The following SPECC1 variants were observed in gnomAD, a reference collection of about 807,000 sequenced individuals.
SPECC1 encodes the protein sperm antigen with calponin homology and coiled-coil domains 1.
A neutral mutation model predicts 104.1 loss-of-function variants in SPECC1; 62 were observed. The ratio of observed to expected loss-of-function variants is 0.60; its 90% CI spans 0.49 to 0.74. The LOEUF (loss-of-function observed/expected upper bound fraction) is 0.74, where lower values mean the gene tolerates loss of function less well. Among genes scored for constraint, SPECC1 ranks in the 30% least tolerant of loss-of-function variants. SPECC1 has a pLI of 0.00. For synonymous variants in SPECC1, 513 were observed against 501.6 expected, an observed-to-expected ratio of 1.02 and a Z score of -0.30; for missense variants, 1,306 against 1,310.5, an observed-to-expected ratio of 1.00 and a Z score of 0.05.
chr17:20,201,605 G>T (rs2036438846), intron 3 of SPECC1, among the ~76,000 whole-genome samples: 1 of 152,236 alleles, frequency 6.6e-6, no homozygotes, highest in Non-Finnish European at 1.5e-5. Flanking sequence ...GAGTTATGGT[G>T]AAACTTTAGT....
chr17:20,041,603 G>A (rs2045329513), intron 1 of SPECC1, among the ~76,000 whole-genome samples: 1 of 104,450 alleles, frequency 9.6e-6, no homozygotes, highest in Non-Finnish European at 2.1e-5. Flanking sequence ...AAGCACGTTT[G>A]TAGTTGTTTG....
At chr17:20,265,371 C>T (rs181443263) in intron 12 of SPECC1, among the ~76,000 whole-genome samples, 9 of 152,192 alleles carry the variant, frequency 5.9e-5, no homozygotes, top group Admixed American at 1.3e-4. Flanking sequence ...GGATGTTGAG[C>T]GTGTTTTCAT....
chr17:20,263,177 C>T lies in SPECC1; in HGVS notation c.2940+2883C>T, dbSNP rs185361319. Among the ~76,000 whole-genome samples the T allele has an allele frequency of 1.6e-3, 244 of 150,678 alleles. 1 individual carries two copies. Among genetic ancestry groups the T allele is most frequent in the African/African-American group, 5.8e-3 (238 of 41,212 alleles). On this transcript the variant is annotated intron_variant, in intron 12 of 14. Transcript: ENST00000395527. ...ACAGCCTCCCCCAGCCCATCAGCCA[C>T]GCTGCCGAGGACACGGGAAAGAATA... is the stretch of plus-strand genomic sequence containing the variant.
intron 12 of SPECC1, among the ~76,000 whole-genome samples, chr17:20,284,921 T>C (rs944056020): frequency 6.6e-6 from 1 of 152,204 alleles, no homozygotes; most frequent in African/African-American, 2.4e-5. Flanking sequence ...TTTTTTCTTT[T>C]TGACTTTTGC....
chr17:20,292,636 A>C (rs2041210764), intron 12 of SPECC1, among the ~76,000 whole-genome samples: 1 of 152,122 alleles, frequency 6.6e-6, no homozygotes, highest in Non-Finnish European at 1.5e-5. Flanking sequence ...GCATTTCCCC[A>C]TTTCTAAAGC....
chr17:20,164,966 G>T lies in SPECC1; in HGVS notation c.284-39367G>T, dbSNP rs188495234. On this transcript the variant is annotated intron_variant, in intron 3 of 14. Transcript: ENST00000395527. ...CTTTGACTTGATAGAATACTGCCTG[G>T]TTTTTTTATACTTTCTGTCTCTTAA... 1.5e-3 allele frequency among the ~76,000 whole-genome samples: 223 copies of T among 151,896 alleles called. 1 individual carries two copies. Among genetic ancestry groups the T allele is most frequent in the Middle Eastern group, 0.01 (3 of 292 alleles).
chr17:20,112,626 T>A, intron 3 of SPECC1: 2 of 882,128 alleles, frequency 2.3e-6, no homozygotes, highest in Non-Finnish European at 3.9e-6. Flanking sequence ...TCTGGATCAG[T>A]GCTTGACTGT....
chr17:20,061,014 C>T (rs2046166189), intron 1 of SPECC1, among the ~76,000 whole-genome samples: 1 of 152,126 alleles, frequency 6.6e-6, no homozygotes, highest in African/African-American at 2.4e-5. Context: ...TATCAGTGAC[C>T]ATAATACCTT....
rs745814846 is a variant in SPECC1 at position 20,227,576 on chromosome 17, G to A, written c.2027G>A (p.Arg676Gln). 2.0e-5 allele frequency: 33 copies of A among 1,611,138 alleles called. No individual in the cohort carries two copies. The highest frequency in any genetic ancestry group is 6.7e-5 in the African/African-American group (5 of 74,578). The change falls in exon 5 of 15, where the codon CGG becomes CAG. Residue 676 changes from arginine to glutamine, a missense_variant. Physicochemically the swap from Arg to Gln is conservative, Grantham distance 43. Coordinates refer to ENST00000395527, the MANE Select transcript of SPECC1 (RefSeq NM_001243439.2). ...FELEDQVEQH[R>Q]AVKLHNNQLI... The stretch of plus-strand genomic sequence containing the variant: ...TTGGAAGATCAGGTGGAACAGCACC[G>A]GGCTGTCAAGTTACACAATAATCAA...
chr17:20,191,907 T>G (rs992051837), intron 3 of SPECC1, among the ~76,000 whole-genome samples: 6 of 152,094 alleles, frequency 3.9e-5, no homozygotes, highest in African/African-American at 1.4e-4. Context: ...TATTCAGGTG[T>G]TTTTCCATTT....
At chr17:20,286,315 G>T (rs904870182) in intron 12 of SPECC1, among the ~76,000 whole-genome samples, 1 of 152,160 alleles carries the variant, frequency 6.6e-6, no homozygotes, top group Admixed American at 6.5e-5. Flanking sequence ...CCTACAGAAT[G>T]CCTGCTGGGC....
At chr17:20,017,449 C>G (rs1200205342) in intron 1 of SPECC1, 3 of 153,402 alleles carry the variant, frequency 2.0e-5, no homozygotes, top group African/African-American at 7.2e-5. Context: ...ATCCAAACAT[C>G]AGAAGGAACA....
intron 1 of SPECC1, among the ~76,000 whole-genome samples, chr17:20,083,731 A>G (rs759218020): frequency 1.3e-5 from 2 of 152,200 alleles, no homozygotes; most frequent in African/African-American, 4.8e-5. Context: ...TGTGAATACA[A>G]ATTTTATTTC....
intron 3 of SPECC1, among the ~76,000 whole-genome samples, chr17:20,128,484 G>A (rs181243048): frequency 2.0e-5 from 3 of 152,288 alleles, no homozygotes; most frequent in East Asian, 1.9e-4. Context: ...GGAAGCAGGC[G>A]TGCCCCTCAT....
chr17:20,119,274 G>A lies in SPECC1; in HGVS notation c.283+8712G>A, dbSNP rs182413509. 1.6e-3 allele frequency among the ~76,000 whole-genome samples: 239 copies of A among 152,134 alleles called. 2 individuals are homozygous for A. The highest frequency in any genetic ancestry group is 5.4e-3 in the African/African-American group (224 of 41,506). On this transcript the variant is annotated intron_variant, in intron 3 of 14. Coordinates refer to ENST00000395527, the MANE Select transcript of SPECC1 (RefSeq NM_001243439.2). Reference sequence around the variant, plus strand: ...ATTTTATTTTTTGAGACGGAGTTTCGCTCTTGTTGCCCAGGCTGGAGTGCC... The same window carrying A: ...ATTTTATTTTTTGAGACGGAGTTTCACTCTTGTTGCCCAGGCTGGAGTGCC...
At chr17:20,036,684 G>A (rs896413776) in intron 1 of SPECC1, among the ~76,000 whole-genome samples, 5 of 152,118 alleles carry the variant, frequency 3.3e-5, no homozygotes, top group Non-Finnish European at 7.4e-5. Flanking sequence ...CCTTTGACCA[G>A]CGTGTCTCCA....
intron 12 of SPECC1, among the ~76,000 whole-genome samples, chr17:20,263,158 T>TC (rs2040089033): frequency 6.7e-6 from 1 of 149,896 alleles, no homozygotes; most frequent in African/African-American, 2.4e-5. Context: ...GGTTACAGCC[T>TC]CCCCCAGCCC....
At chr17:20,078,442 T>C (rs2046846012) in intron 1 of SPECC1, among the ~76,000 whole-genome samples, 1 of 152,024 alleles carries the variant, frequency 6.6e-6, no homozygotes, top group Non-Finnish European at 1.5e-5. Flanking sequence ...TCAACCTCAA[T>C]AATAGTCATA....
intron 12 of SPECC1, among the ~76,000 whole-genome samples, chr17:20,286,547 A>G (rs1458449304): frequency 6.6e-6 from 1 of 152,168 alleles, no homozygotes. Flanking sequence ...TCCCCTCGCC[A>G]AAAATGAGAC....
Sources: gnomAD v4.1 joint callset for allele counts (sites outside exome capture counted in the v4.1 genomes callset) on GRCh38, gnomAD v4.1.1 for gene constraint, MANE v1.5 for transcripts, NCBI Gene and HGNC (gene_info 2026-07-23, HGNC 2026-07-21) for gene names.